PTGS1: variants seen among roughly 807,000 people sequenced by gnomAD.
The protein encoded by PTGS1 is prostaglandin-endoperoxide synthase 1.
Under a neutral mutation model 63.0 loss-of-function variants are expected in PTGS1, and 40 were observed. The ratio of observed to expected loss-of-function variants is 0.63; its 90% confidence interval spans 0.49 to 0.83. The LOEUF is 0.83. PTGS1 is among the 40% of genes least tolerant of loss of function. PTGS1 has a pLI of 0.00. For missense variants in PTGS1, 709 were observed against 786.5 expected (o/e 0.90, Z 1.18); for synonymous variants, 298 against 301.9 (o/e 0.99, Z 0.13).
intron 2 of PTGS1, among the ~76,000 whole-genome samples, chr9:122,373,611 G>C (rs1272057736): frequency 6.6e-6 from 1 of 152,238 alleles, no homozygotes; most frequent in Admixed American, 6.5e-5. Flanking sequence ...GGCAACCAGA[G>C]CTGCATGCCA....
At position 122,392,569 on chromosome 9, in the gene PTGS1, G is replaced by A. The variant is rs757798888; in HGVS notation, c.*25G>A. ...AGGGGCAGGAAAGCAGCATTCTGGA[G>A]GGGAGAGCTTTGTGCTTGTCATTCC... On this transcript the variant is annotated 3_prime_UTR_variant, in exon 11 of 11. Transcript: ENST00000362012. 3.8e-6 allele frequency: 6 copies of A among 1,593,800 alleles called. No individual in the cohort carries two copies. The highest frequency in any genetic ancestry group is 2.2e-5 in the South Asian group (2 of 88,914).
chr9:122,374,994 A>T (rs1837034928), intron 2 of PTGS1, among the ~76,000 whole-genome samples: 1 of 152,138 alleles, frequency 6.6e-6, no homozygotes, highest in African/African-American at 2.4e-5. Context: ...CTGGGGAGAT[A>T]AATGAGCGTG....
chr9:122,388,243 G>T lies in PTGS1; in HGVS notation c.1296+1511G>T, dbSNP rs1191240811. ...TTTTTTTAAATAGAGATGGGGTTTTGCCATATTGCCCAGGCTGGTCTTGAA... is the reference window on the plus strand; with the variant it reads ...TTTTTTTAAATAGAGATGGGGTTTTTCCATATTGCCCAGGCTGGTCTTGAA... On this transcript the variant is annotated intron_variant, in intron 9 of 10. Transcript: ENST00000362012. Among the ~76,000 whole-genome samples the T allele has an allele frequency of 2.0e-5, 3 of 151,888 alleles. No individual in the cohort carries two copies. In the South Asian group the frequency reaches 6.2e-4, roughly 32 times the overall value.
At position 122,392,908 on chromosome 9, in the gene PTGS1, T is replaced by G. The variant is rs10306184; in HGVS notation, c.*364T>G. On this transcript the variant is annotated 3_prime_UTR_variant, in exon 11 of 11. Coordinates refer to ENST00000362012, the MANE Select transcript of PTGS1 (RefSeq NM_000962.4). ...CTAGAAAGTTAGGGGGTTCTTATTT[T>G]GCATTCCAGAATCTTGACTTTCTGA... 9,212 of 187,612 alleles carry G rather than the reference T, an allele frequency of 0.049. 812 individuals are homozygous for G. The highest frequency in any genetic ancestry group is 0.19 in the African/African-American group (8,297 of 42,968). The allele number at this position is 187,612 out of a possible 1,614,324, so 11.6% of individuals were successfully genotyped here.
At chr9:122,370,688 T>G (rs914463469), upstream of PTGS1, 9 of 397,862 alleles carry the variant, frequency 2.3e-5, no homozygotes, top group South Asian at 4.4e-4. Context: ...AAGGGGACTC[T>G]GAGACCCTTT....
At chr9:122,370,941 G>A (rs1346003510), upstream of PTGS1, 5 of 1,338,806 alleles carry the variant, frequency 3.7e-6, no homozygotes, top group African/African-American at 1.4e-5. Context: ...GGAAGTAAGC[G>A]GGCAGCCGAG....
At chr9:122,375,205 G>A (rs989269579) in intron 2 of PTGS1, 45 of 727,930 alleles carry the variant, frequency 6.2e-5, no homozygotes, top group South Asian at 2.5e-4. Context: ...AGAACGTGGC[G>A]GGGGAGGCGG....
At position 122,371,056 on chromosome 9, in the gene PTGS1, T is replaced by C; in HGVS notation, c.-29T>C. On this transcript the variant is annotated 5_prime_UTR_variant, in exon 1 of 11. Coordinates refer to ENST00000362012, the MANE Select transcript of PTGS1 (RefSeq NM_000962.4). The stretch of plus-strand genomic sequence containing the variant: ...GAGGCGCACGCACAGGAGCCTGCAC[T>C]CTGCGTCCCGCACCCCAGCAGCCGC... 1 of 1,586,246 alleles carries C rather than the reference T, an allele frequency of 6.3e-7. No individual in the cohort carries two copies.
chr9:122,386,679 G>T lies in PTGS1; in HGVS notation c.1243G>T (p.Asp415Tyr). ...QFLFNTSMLV[D>Y]YGVEALVDAF... ...CTTGTTCAACACCTCCATGTTGGTG[G>T]ACTATGGGGTTGAGGCCCTGGTGGA... is the stretch of plus-strand genomic sequence containing the variant. Residue 415 changes from aspartate (D) to tyrosine (Y), a missense_variant, in exon 9 of 11, where the codon GAC (aspartate) becomes TAC (tyrosine). Transcript: ENST00000362012. The T allele has an allele frequency of 1.2e-6, 2 of 1,614,236 alleles. No individual in the cohort carries two copies. Among genetic ancestry groups the T allele is most frequent in the Non-Finnish European group, 1.7e-6 (2 of 1,180,048 alleles).
At chr9:122,385,253 T>C (rs9299279) in intron 8 of PTGS1, among the ~76,000 whole-genome samples, 41,818 of 152,030 alleles carry the variant, frequency 0.28, 9,287 homozygotes, top group African/African-American at 0.61. Context: ...CCACAGCGCC[T>C]GGCCGCACTG....
chr9:122,387,276 G>A (rs1837929397), intron 9 of PTGS1, among the ~76,000 whole-genome samples: 1 of 152,004 alleles, frequency 6.6e-6, no homozygotes, highest in Admixed American at 6.6e-5. Flanking sequence ...AGGACGGCAT[G>A]GGTGAAAGGC....
chr9:122,392,564 C>A lies in PTGS1; in HGVS notation c.*20C>A. ...CTCTGAGGGGCAGGAAAGCAGCATT[C>A]TGGAGGGGAGAGCTTTGTGCTTGTC... On this transcript the variant is annotated 3_prime_UTR_variant, in exon 11 of 11. Transcript: ENST00000362012. 1 of 1,599,040 alleles carries A rather than the reference C, an allele frequency of 6.3e-7. No homozygotes were observed. The highest frequency in any genetic ancestry group is 8.6e-7 in the Non-Finnish European group (1 of 1,169,434).
Position 122,371,171 on chromosome 9 carries a change from C to G in PTGS1, c.8-15C>G, listed in dbSNP as rs1350403217. On this transcript the variant is annotated splice_polypyrimidine_tract_variant and intron_variant, in intron 1 of 10. Coordinates refer to ENST00000362012, the MANE Select transcript of PTGS1 (RefSeq NM_000962.4). ...TTGAATGCCAGGCTCAGCCCCTCAT[C>G]TCTCTCCTCTGCAGGGAGTCTCTTG... is the stretch of plus-strand genomic sequence containing the variant. 2 of 1,608,612 alleles carry G rather than the reference C, an allele frequency of 1.2e-6. No homozygotes were observed. The highest frequency in any genetic ancestry group is 1.3e-5 in the African/African-American group (1 of 74,950).
intron 5 of PTGS1, 88 bp from the exon 6 acceptor site, chr9:122,381,283 G>T: frequency 7.0e-7 from 1 of 1,420,978 alleles, no homozygotes; most frequent in Non-Finnish European, 9.5e-7. Flanking sequence ...CTTCCTGCTT[G>T]GGCCAGTTTG....
rs1248105821 is a variant in PTGS1 at position 122,395,635 on chromosome 9, T to C, written c.*3091T>C. 1 of 152,178 alleles carries C rather than the reference T, an allele frequency of 6.6e-6. No homozygotes were observed. Among genetic ancestry groups the C allele is most frequent in the Non-Finnish European group, 1.5e-5 (1 of 68,040 alleles). The allele number at this position is 152,178 out of a possible 1,614,324, so 9.4% of individuals were successfully genotyped here. ...GTTTCCAGCCTGCTAGTCTGCCCTA[T>C]GGATTTGAAGTTTGCCAACCCCAAC... On this transcript the variant is annotated 3_prime_UTR_variant, in exon 11 of 11. Coordinates refer to ENST00000362012, the MANE Select transcript of PTGS1 (RefSeq NM_000962.4).
At chr9:122,379,006 G>A in intron 5 of PTGS1, 88 bp downstream of exon 5, 1 of 1,524,618 alleles carries the variant, frequency 6.6e-7, no homozygotes, top group South Asian at 1.2e-5. Context: ...AACAATTATT[G>A]ACCCAATTCT....
chr9:122,375,216 GA>G (rs1176781487), intron 2 of PTGS1: 1 of 836,064 alleles, frequency 1.2e-6, no homozygotes, highest in East Asian at 1.2e-4. Context: ...GGGGAGGCGG[GA>G]GGGGGGAAGC....
In PTGS1 at chr9:122,377,905, C is replaced by CCTGTTGTTACTATCCATG. The variant is rs1564132809; in HGVS notation, c.103_120dup (p.Cys35_Cys40dup). ...CTCCATTTCTCACCCACAGTGAATC[C>CCTGTTGTTACTATCCATG]CTGTTGTTACTATCCATGCCAGCAC... On this transcript the variant is annotated inframe_insertion, in exon 3 of 11. Coordinates refer to ENST00000362012, the MANE Select transcript of PTGS1 (RefSeq NM_000962.4). The CCTGTTGTTACTATCCATG allele has an allele frequency of 8.7e-6, 14 of 1,613,844 alleles. No individual in the cohort carries two copies. In the South Asian group the frequency reaches 1.5e-4, roughly 18 times the overall value.
At chr9:122,373,785 G>A (rs1454630199) in intron 2 of PTGS1, among the ~76,000 whole-genome samples, 2 of 152,198 alleles carry the variant, frequency 1.3e-5, no homozygotes, top group South Asian at 4.1e-4. Context: ...GGGCCCAGTT[G>A]TCTGGATCTG....
Sources: allele counts gnomAD v4.1 joint callset (sites outside exome capture counted in the v4.1 genomes callset), GRCh38; gene constraint gnomAD v4.1.1; transcripts MANE v1.5; gene names NCBI Gene and HGNC (gene_info 2026-07-23, HGNC 2026-07-21).